TRPC5: variants seen among roughly 807,000 people sequenced by gnomAD.
TRPC5 encodes the protein transient receptor potential cation channel subfamily C member 5, also known as short transient receptor potential channel 5.
A neutral mutation model predicts 56.5 loss-of-function variants in TRPC5; 9 were observed. The observed-to-expected ratio is 0.16, with a 90% CI of 0.10 to 0.28. TRPC5 has a LOEUF of 0.28. Among genes scored for constraint, TRPC5 ranks in the 10% least tolerant of loss-of-function variants. The probability of loss-of-function intolerance (pLI) is 1.00; values close to 1 mark genes in which losing one functional copy is unlikely to be tolerated. For missense variants in TRPC5, 469 were observed against 748.9 expected (o/e 0.63, Z 4.36); for synonymous variants, 282 against 278.5 (o/e 1.01, Z -0.13).
intron 3 of TRPC5, among the ~76,000 whole-genome samples, chrX:111,867,540 G>C (rs1333520732): frequency 1.8e-5 from 2 of 111,836 alleles, no homozygotes; most frequent in African/African-American, 6.5e-5. Flanking sequence ...GTACCTCTCA[G>C]AGCCTACCTT....
intron 1 of TRPC5, among the ~76,000 whole-genome samples, chrX:111,986,524 A>T (rs1444345098): frequency 9.1e-6 from 1 of 110,033 alleles, no homozygotes; most frequent in African/African-American, 3.3e-5. Context: ...TTCTGAGAAG[A>T]CTCAGCATTG....
At chrX:111,984,858 A>G (rs1176853310) in intron 1 of TRPC5, among the ~76,000 whole-genome samples, 1 of 112,663 alleles carries the variant, frequency 8.9e-6, no homozygotes, top group Non-Finnish European at 1.9e-5. Flanking sequence ...GGGATGGAGA[A>G]AAAGACATAT....
intron 6 of TRPC5, among the ~76,000 whole-genome samples, chrX:111,838,602 C>A (rs778712694): frequency 8.9e-6 from 1 of 111,851 alleles, no homozygotes; most frequent in Non-Finnish European, 1.9e-5. Context: ...GCAACTAGTC[C>A]ATTTTTATTT....
intron 1 of TRPC5, among the ~76,000 whole-genome samples, chrX:112,062,498 A>G (rs1041782161): frequency 3.6e-5 from 4 of 112,326 alleles, no homozygotes; most frequent in Non-Finnish European, 7.5e-5. Flanking sequence ...TGCCTGGTGC[A>G]TACTAGACAT....
intron 1 of TRPC5, among the ~76,000 whole-genome samples, chrX:112,038,653 A>C (rs1219268755): frequency 9.0e-6 from 1 of 111,405 alleles, no homozygotes; most frequent in African/African-American, 3.3e-5. Flanking sequence ...TAGATTCTGA[A>C]TCAAGTCCTA....
At chrX:111,938,971 A>C (rs1037490065) in intron 2 of TRPC5, among the ~76,000 whole-genome samples, 15 of 111,780 alleles carry the variant, frequency 1.3e-4, no homozygotes, top group Non-Finnish European at 2.1e-4. Flanking sequence ...GAAAGTGGGC[A>C]TCCTTGTCTT....
rs1375676579 is a variant in TRPC5, at chrX:111,771,342, A to T, written c.*4971T>A. On this transcript the variant is annotated 3_prime_UTR_variant, in exon 11 of 11. Transcript: ENST00000262839. ...TTTATGTTTAAATATTATAATTCTT[A>T]ATATGTATATGTCTCTCAGGTACCA... Among the ~76,000 whole-genome samples the T allele has an allele frequency of 8.9e-6, 1 of 111,835 alleles. No homozygotes were observed. The highest frequency in any genetic ancestry group is 1.9e-5 in the Non-Finnish European group (1 of 53,197).
intron 3 of TRPC5, among the ~76,000 whole-genome samples, chrX:111,900,553 C>T (rs751279986): frequency 6.2e-4 from 69 of 111,456 alleles, no homozygotes; most frequent in South Asian, 1.9e-3. Context: ...GCAGAATAAT[C>T]TATTTGGAAT....
chrX:112,078,082 G>T (rs1167737165), intron 1 of TRPC5, among the ~76,000 whole-genome samples: 3 of 111,705 alleles, frequency 2.7e-5, no homozygotes, highest in Non-Finnish European at 5.6e-5. Flanking sequence ...CTTGCTGTTG[G>T]TGGTGTGAGC....
At chrX:111,928,786 G>A (rs1009171825) in intron 2 of TRPC5, among the ~76,000 whole-genome samples, 21 of 112,067 alleles carry the variant, frequency 1.9e-4, no homozygotes, top group African/African-American at 6.8e-4. Flanking sequence ...GGGAAACATC[G>A]GCTGTCTTGT....
At chrX:111,981,224 G>T (rs1210683084) in intron 1 of TRPC5, among the ~76,000 whole-genome samples, 1 of 109,791 alleles carries the variant, frequency 9.1e-6, no homozygotes, top group Non-Finnish European at 1.9e-5. Context: ...AAACCAGCAG[G>T]CTTGAGACCC....
intron 1 of TRPC5, among the ~76,000 whole-genome samples, chrX:112,005,463 T>TAAAAAAAAA (rs745973541): frequency 6.0e-5 from 4 of 66,369 alleles, no homozygotes; most frequent in African/African-American, 1.8e-4. Flanking sequence ...AACCTAAAAG[T>TAAAAAAAAA]AAAAAAAAAA....
chrX:111,803,524 T>C (rs1218353594), intron 7 of TRPC5, among the ~76,000 whole-genome samples: 2 of 112,167 alleles, frequency 1.8e-5, no homozygotes, highest in Non-Finnish European at 3.8e-5. Context: ...TCTGTGGTTT[T>C]CTGACTCTTT....
chrX:111,828,581 C>T (rs1372452866), intron 7 of TRPC5, among the ~76,000 whole-genome samples: 1 of 111,299 alleles, frequency 9.0e-6, no homozygotes, highest in Admixed American at 9.6e-5. Context: ...AAATTCATAC[C>T]GAGAGTGGGG....
intron 9 of TRPC5, among the ~76,000 whole-genome samples, chrX:111,780,843 A>G (rs1401467179): frequency 9.0e-6 from 1 of 111,501 alleles, no homozygotes; most frequent in Non-Finnish European, 1.9e-5. Flanking sequence ...CTAGTGTAGT[A>G]TTTTATGTAC....
chrX:111,845,009 G>T (rs1328272233), intron 6 of TRPC5, among the ~76,000 whole-genome samples: 1 of 109,811 alleles, frequency 9.1e-6, no homozygotes, highest in Non-Finnish European at 1.9e-5. Context: ...AGGCTGAGAC[G>T]GGTGGATCAC....
intron 1 of TRPC5, among the ~76,000 whole-genome samples, chrX:111,962,031 C>G (rs1927396514): frequency 9.0e-6 from 1 of 111,031 alleles, no homozygotes. Flanking sequence ...GGGAACTAAA[C>G]AGTGGACACA....
At chrX:111,799,099 G>A (rs1255562601) in intron 7 of TRPC5, among the ~76,000 whole-genome samples, 3 of 110,917 alleles carry the variant, frequency 2.7e-5, no homozygotes, top group Non-Finnish European at 5.7e-5. Flanking sequence ...ACAAAGGACA[G>A]TTATTAGTAA....
At chrX:111,844,475 T>C (rs954359527) in intron 6 of TRPC5, among the ~76,000 whole-genome samples, 15 of 106,831 alleles carry the variant, frequency 1.4e-4, no homozygotes, top group African/African-American at 5.1e-4. Flanking sequence ...TTTTTTTTTT[T>C]TGGAGACGGA....
Sources: allele counts gnomAD v4.1 joint callset (sites outside exome capture counted in the v4.1 genomes callset), GRCh38; gene constraint gnomAD v4.1.1; transcripts MANE v1.5; gene names NCBI Gene and HGNC (gene_info 2026-07-23, HGNC 2026-07-21).